TULP4: variants seen among roughly 807,000 people sequenced by gnomAD.
The protein encoded by TULP4 is tubby-related protein 4.
A neutral mutation model predicts 129.0 loss-of-function variants in TULP4; 16 were observed. The ratio of observed to expected loss-of-function variants is 0.12; its 90% CI spans 0.08 to 0.19. TULP4 has a LOEUF of 0.19. Ranked by LOEUF, TULP4 falls within the 10% of genes least tolerant of loss-of-function variation. The pLI is 1.00. For synonymous variants in TULP4, 998 were observed against 854.0 expected (o/e 1.17, Z -2.94); for missense variants, 1,842 against 2,059.1 (o/e 0.89, Z 2.04).
In TULP4 at chr6:158,501,984, C is replaced by A; in HGVS notation, c.2321C>A (p.Ser774Tyr). 1 of 1,613,688 alleles carries A rather than the reference C, an allele frequency of 6.2e-7. No homozygotes were observed. Among genetic ancestry groups the A allele is most frequent in the Non-Finnish European group, 8.5e-7 (1 of 1,179,914 alleles). Residue 774 changes from serine to tyrosine, a missense_variant, in exon 13 of 14, where the codon TCC becomes TAC. Ser to Tyr is a moderately radical substitution (Grantham distance 144). This residue lies in a region of TULP4 where 1,089 missense variants were observed against 987.1 expected (regional missense o/e 1.10). Coordinates refer to ENST00000367097, the MANE Select transcript of TULP4 (RefSeq NM_020245.5). ...GRIIQNPPPL[S>Y]LPPPPQGPMQ... ...ATCATTCAGAACCCCCCTCCACTGT[C>A]CCTGCCTCCCCCGCCGCAGGGGCCC...
At chr6:158,276,920 T>G (rs1447634704) in intron 1 of TULP4, among the ~76,000 whole-genome samples, 3 of 152,120 alleles carry the variant, frequency 2.0e-5, no homozygotes, top group African/African-American at 2.4e-5. Flanking sequence ...CTTCTTTTTT[T>G]TTGGTCTTTT....
At chr6:158,246,856 A>G (rs1778040841) in intron 1 of TULP4, among the ~76,000 whole-genome samples, 1 of 152,214 alleles carries the variant, frequency 6.6e-6, no homozygotes, top group Non-Finnish European at 1.5e-5. Flanking sequence ...ATTGAAATGT[A>G]GTATTTATGG....
intron 1 of TULP4, among the ~76,000 whole-genome samples, chr6:158,243,534 C>T (rs1423250375): frequency 1.3e-5 from 2 of 151,332 alleles, no homozygotes; most frequent in African/African-American, 2.4e-5. Flanking sequence ...TCTCTTTTAA[C>T]CTATAGGTTC....
chr6:158,469,146 G>A (rs1779616860), intron 6 of TULP4, among the ~76,000 whole-genome samples: 1 of 152,170 alleles, frequency 6.6e-6, no homozygotes, highest in South Asian at 2.1e-4. Context: ...CAGTAAGACG[G>A]AATCAGGACA....
chr6:158,507,744 A>G lies in TULP4; in HGVS notation c.*1050A>G, dbSNP rs1403067470. 6.6e-6 allele frequency: 1 copy of G among 152,224 alleles called. No individual in the cohort carries two copies. The highest frequency in any genetic ancestry group is 2.4e-5 in the African/African-American group (1 of 41,458). The allele number at this position is 152,224 out of a possible 1,614,324, so 9.4% of individuals were successfully genotyped here. A position where few individuals can be genotyped will look rare whatever the true frequency, so the allele number is the denominator to read the frequency against. On this transcript the variant is annotated 3_prime_UTR_variant, in exon 14 of 14. Transcript: ENST00000367097. ...ATGTTCTATGCCTTCCCATTCTAAA[A>G]GTGTGGACAACGCTTGATTTGAAAC...
At position 158,312,662 on chromosome 6, in the gene TULP4, A is replaced by G. The variant is rs1181971423; in HGVS notation, c.-1355A>G. On this transcript the variant is annotated 5_prime_UTR_variant, in exon 1 of 14. Coordinates refer to ENST00000367097, the MANE Select transcript of TULP4 (RefSeq NM_020245.5). ...CTATCTTAATTAACTGTATTTGAGA[A>G]ATTTTAATTTATTATTCCCCCCCTT... 1 of 152,092 alleles carries G rather than the reference A, an allele frequency of 6.6e-6. No homozygotes were observed. Among genetic ancestry groups the G allele is most frequent in the Non-Finnish European group, 1.5e-5 (1 of 67,990 alleles). 9.4% of individuals were successfully genotyped at this position (152,092 alleles called of 1,614,324 possible).
chr6:158,318,501 C>G (rs759251406), intron 1 of TULP4, among the ~76,000 whole-genome samples: 1 of 152,146 alleles, frequency 6.6e-6, no homozygotes, highest in African/African-American at 2.4e-5. Context: ...ACAGCAGACT[C>G]ATGGGAAGAT....
In TULP4 at chr6:158,481,006, T is replaced by G. The variant is rs376534937; in HGVS notation, c.1252-49T>G. The stretch of plus-strand genomic sequence containing the variant: ...CGTGCCCACTCTCTTTCCCTCTCTC[T>G]CTGCCTCTCTGGAGTCCCAGCTCTT... On this transcript the variant is annotated intron_variant, in intron 7 of 13. Transcript: ENST00000367097. 41 of 1,504,346 alleles carry G rather than the reference T, an allele frequency of 2.7e-5. No individual in the cohort carries two copies. The African/African-American group carries it at 5.3e-4, about 19-fold the overall frequency. 93.2% of individuals were successfully genotyped at this position (1,504,346 alleles called of 1,614,324 possible). A position where few individuals can be genotyped will look rare whatever the true frequency, so the allele number is the denominator to read the frequency against.
At chr6:158,482,068 C>T (rs189344000) in intron 8 of TULP4, among the ~76,000 whole-genome samples, 8 of 152,344 alleles carry the variant, frequency 5.3e-5, no homozygotes, top group East Asian at 1.9e-4. Flanking sequence ...GACGCTGCCC[C>T]GCTGAATCCT....
At chr6:158,487,424 G>A (rs780243109) in intron 8 of TULP4, among the ~76,000 whole-genome samples, 14 of 152,130 alleles carry the variant, frequency 9.2e-5, no homozygotes, top group South Asian at 2.1e-4. Flanking sequence ...CAGCCTAGGC[G>A]ACAGAGCGAG....
chr6:158,468,351 A>C (rs1451525006), intron 6 of TULP4, among the ~76,000 whole-genome samples: 1 of 152,240 alleles, frequency 6.6e-6, no homozygotes, highest in Non-Finnish European at 1.5e-5. Context: ...CTTCAGCCAG[A>C]TAAATTACCG....
chr6:158,439,343 C>T (rs1778828383), intron 3 of TULP4, among the ~76,000 whole-genome samples: 1 of 152,120 alleles, frequency 6.6e-6, no homozygotes, highest in African/African-American at 2.4e-5. Flanking sequence ...CCTCTGCTGT[C>T]CCTTTAAGGC....
At chr6:158,335,721 A>G (rs1200866387) in intron 1 of TULP4, among the ~76,000 whole-genome samples, 1 of 152,330 alleles carries the variant, frequency 6.6e-6, no homozygotes, top group African/African-American at 2.4e-5. Context: ...GTTTTCGTTT[A>G]ACATCTGGAG....
intron 12 of TULP4, 136 bp downstream of exon 12, chr6:158,498,948 T>G: frequency 9.0e-7 from 1 of 1,107,624 alleles, no homozygotes; most frequent in East Asian, 2.4e-5. Flanking sequence ...TCAGTAAGGT[T>G]GGTAGATGTG....
At chr6:158,407,310 C>G (rs534311127) in intron 1 of TULP4, among the ~76,000 whole-genome samples, 1 of 152,324 alleles carries the variant, frequency 6.6e-6, no homozygotes, top group Non-Finnish European at 1.5e-5. Context: ...AAACACAAAT[C>G]AAACTGCTGC....
At chr6:158,506,347 T>G (rs187828726) in intron 13 of TULP4, among the ~76,000 whole-genome samples, 2,457 of 142,950 alleles carry the variant, frequency 0.017, 26 homozygotes, top group Non-Finnish European at 0.026. Context: ...TTCTCCTGCC[T>G]CAGCCTCCCG....
chr6:158,265,950 C>T (rs1189156985), intron 1 of TULP4, among the ~76,000 whole-genome samples: 3 of 152,056 alleles, frequency 2.0e-5, no homozygotes, highest in African/African-American at 7.2e-5. Flanking sequence ...AGCCATATTG[C>T]CTTTACCTTT....
intron 1 of TULP4, chr6:158,237,620 G>A: frequency 7.0e-7 from 1 of 1,426,582 alleles, no homozygotes; most frequent in Non-Finnish European, 9.8e-7. Flanking sequence ...TGCATTGGCA[G>A]CCATCTTTCT....
intron 6 of TULP4, among the ~76,000 whole-genome samples, chr6:158,468,154 G>A (rs887465853): frequency 1.3e-5 from 2 of 152,200 alleles, no homozygotes; most frequent in Non-Finnish European, 2.9e-5. Context: ...ATTAACAAAA[G>A]CTTGAGTCAA....
Sources: allele counts gnomAD v4.1 joint callset (sites outside exome capture counted in the v4.1 genomes callset), GRCh38; gene constraint gnomAD v4.1.1; regional missense constraint gnomAD v4.1.1; transcripts MANE v1.5; gene names NCBI Gene and HGNC (gene_info 2026-07-23, HGNC 2026-07-21).